NPAS3: variants seen among roughly 807,000 people sequenced by gnomAD.
NPAS3 encodes neuronal PAS domain protein 3.
Under a neutral mutation model 73.1 loss-of-function variants are expected in NPAS3, and 14 were observed. The observed-to-expected ratio is 0.19, with a 90% CI of 0.13 to 0.30. The LOEUF (loss-of-function observed/expected upper bound fraction) is 0.30. Ranked by LOEUF, NPAS3 falls within the 10% of genes least tolerant of loss-of-function variation. The pLI, the probability that NPAS3 is intolerant of heterozygous loss-of-function variation, is 1.00. For missense variants in NPAS3, 1,096 were observed against 1,250.0 expected, an observed-to-expected ratio of 0.88 and a Z score of 1.86; for synonymous variants, 620 against 541.5, an observed-to-expected ratio of 1.14 and a Z score of -2.01.
intron 5 of NPAS3, among the ~76,000 whole-genome samples, chr14:33,636,577 G>A (rs1168379073): frequency 6.6e-6 from 1 of 152,142 alleles, no homozygotes; most frequent in Non-Finnish European, 1.5e-5. Flanking sequence ...TGGCAGCATG[G>A]GAGAGTTTCT....
At chr14:33,729,674 T>G (rs772741048) in intron 6 of NPAS3, among the ~76,000 whole-genome samples, 2 of 152,154 alleles carry the variant, frequency 1.3e-5, no homozygotes, top group Non-Finnish European at 2.9e-5. Flanking sequence ...CGTCCCAACG[T>G]GGCAACTGGT....
At chr14:33,333,245 G>A (rs918988367) in intron 3 of NPAS3, among the ~76,000 whole-genome samples, 1 of 152,150 alleles carries the variant, frequency 6.6e-6, no homozygotes, top group Non-Finnish European at 1.5e-5. Context: ...TGTTCTGAGT[G>A]CCTTGAAATA....
Position 33,212,030 on chromosome 14 carries a change from C to T in NPAS3, c.141-3152C>T, listed in dbSNP as rs138055304. ...TCTAGACATACAACCACAATACTTT[C>T]GTTTAGAACAAAACGTACAAATACA... On this transcript the variant is annotated intron_variant, in intron 2 of 11. Coordinates refer to ENST00000356141, the Ensembl canonical transcript of NPAS3. Among the ~76,000 whole-genome samples, 35 of 152,274 alleles carry T rather than the reference C, an allele frequency of 2.3e-4. 1 individual carries two copies. The East Asian group carries it at 6.0e-3, about 26-fold the overall frequency.
At chr14:33,449,185 G>A (rs1363182876) in intron 4 of NPAS3, among the ~76,000 whole-genome samples, 2 of 151,266 alleles carry the variant, frequency 1.3e-5, no homozygotes, top group Non-Finnish European at 2.9e-5. Flanking sequence ...GAGTGATAAG[G>A]CAGAGGCTTA....
chr14:33,098,491 A>C (rs148149423), intron 2 of NPAS3, among the ~76,000 whole-genome samples: 107 of 152,282 alleles, frequency 7.0e-4, no homozygotes, highest in African/African-American at 2.5e-3. Context: ...GATGTATTTC[A>C]ATACTCAAAA....
intron 4 of NPAS3, among the ~76,000 whole-genome samples, chr14:33,390,034 A>C (rs994406983): frequency 9.3e-6 from 1 of 107,028 alleles, no homozygotes; most frequent in East Asian, 3.5e-4. Flanking sequence ...ATCTAGAATG[A>C]TTTGTGTTAA....
chr14:33,321,607 T>C (rs1314467549), intron 3 of NPAS3, among the ~76,000 whole-genome samples: 1 of 151,902 alleles, frequency 6.6e-6, no homozygotes, highest in African/African-American at 2.4e-5. Context: ...CCTAGCTGAG[T>C]CACCTTGAAC....
intron 4 of NPAS3, among the ~76,000 whole-genome samples, chr14:33,543,985 A>G (rs1360476892): frequency 5.2e-5 from 2 of 38,118 alleles, no homozygotes; most frequent in Non-Finnish European, 8.8e-5. Flanking sequence ...ATATATATAT[A>G]TATATATATA....
intron 1 of NPAS3, among the ~76,000 whole-genome samples, chr14:32,955,002 T>C (rs893229717): frequency 1.3e-5 from 2 of 152,212 alleles, no homozygotes; most frequent in African/African-American, 2.4e-5. Context: ...TTGTAAATTA[T>C]GGTGGCATGG....
intron 3 of NPAS3, among the ~76,000 whole-genome samples, chr14:33,277,792 C>A (rs1175878690): frequency 6.6e-6 from 1 of 151,920 alleles, no homozygotes; most frequent in Non-Finnish European, 1.5e-5. Flanking sequence ...GTAGCCAGGA[C>A]CAGACAGAGG....
At chr14:33,488,103 G>A (rs1435611010) in intron 4 of NPAS3, among the ~76,000 whole-genome samples, 2 of 152,204 alleles carry the variant, frequency 1.3e-5, no homozygotes, top group African/African-American at 4.8e-5. Flanking sequence ...TTTAGATGAG[G>A]TGGTGTCACT....
At chr14:33,028,413 A>G (rs953014137) in intron 1 of NPAS3, among the ~76,000 whole-genome samples, 5 of 152,220 alleles carry the variant, frequency 3.3e-5, no homozygotes, top group African/African-American at 1.2e-4. Context: ...AGCTTGAACA[A>G]TAGTGGGAAT....
intron 5 of NPAS3, among the ~76,000 whole-genome samples, chr14:33,657,721 T>C (rs548692009): frequency 6.6e-6 from 1 of 152,220 alleles, no homozygotes; most frequent in Admixed American, 6.5e-5. Context: ...TTGGCAGGAG[T>C]AGTCCTCATG....
chr14:33,665,769 A>AGAGT (rs1349724109), intron 5 of NPAS3, among the ~76,000 whole-genome samples: 2 of 152,216 alleles, frequency 1.3e-5, no homozygotes, highest in African/African-American at 4.8e-5. Context: ...AAATAATTCC[A>AGAGT]GAGTGTGGTT....
chr14:33,586,874 T>C (rs2056880410), intron 5 of NPAS3, among the ~76,000 whole-genome samples: 1 of 152,208 alleles, frequency 6.6e-6, no homozygotes, highest in African/African-American at 2.4e-5. Flanking sequence ...CGAGAAATGC[T>C]ACAGAAGTAT....
At chr14:33,050,770 A>C (rs2040675924) in intron 1 of NPAS3, among the ~76,000 whole-genome samples, 1 of 152,192 alleles carries the variant, frequency 6.6e-6, no homozygotes. Context: ...TTCAGCCTAT[A>C]GTTTATAAAA....
At chr14:33,315,295 C>T (rs548072488) in intron 3 of NPAS3, among the ~76,000 whole-genome samples, 11 of 151,838 alleles carry the variant, frequency 7.2e-5, no homozygotes, top group Non-Finnish European at 1.5e-4. Flanking sequence ...TCTTTGTTTG[C>T]CAAAATTTTG....
At chr14:33,434,524 C>CA (rs570074526) in intron 4 of NPAS3, among the ~76,000 whole-genome samples, 6,633 of 135,416 alleles carry the variant, frequency 0.049, 252 homozygotes, top group East Asian at 0.16. Flanking sequence ...GACCCCATCT[C>CA]AAAAAAAAAA....
intron 2 of NPAS3, among the ~76,000 whole-genome samples, chr14:33,069,372 T>C (rs763517141): frequency 2.6e-5 from 4 of 152,212 alleles, no homozygotes; most frequent in Non-Finnish European, 5.9e-5. Context: ...CATTGCAAGT[T>C]CCTTAGAGAT....
Sources: gnomAD v4.1 joint callset for allele counts (sites outside exome capture counted in the v4.1 genomes callset) on GRCh38, gnomAD v4.1.1 for gene constraint, MANE v1.5 for transcripts, NCBI Gene and HGNC (gene_info 2026-07-23, HGNC 2026-07-21) for gene names.